The following CUL4A variants were observed in gnomAD, a reference collection of about 807,000 sequenced individuals.
CUL4A encodes the protein cullin 4A, also known as cullin-4A.
Under a neutral mutation model 95.5 loss-of-function variants are expected in CUL4A, and 16 were observed. That is an observed-to-expected ratio of 0.17 (90% CI 0.11 to 0.25). The LOEUF (loss-of-function observed/expected upper bound fraction) is 0.25, where lower values mean the gene tolerates loss of function less well. CUL4A is among the 10% of genes least tolerant of loss of function. CUL4A has a pLI of 1.00. For missense variants in CUL4A, 610 were observed against 937.0 expected (o/e 0.65, Z 4.56); for synonymous variants, 380 against 353.1 (o/e 1.08, Z -0.85).
intron 1 of CUL4A, 78 bp downstream of exon 1, chr13:113,209,853 G>A (rs1349614899): frequency 2.6e-6 from 3 of 1,154,900 alleles, no homozygotes; most frequent in Non-Finnish European, 3.2e-6. Flanking sequence ...TGGGGGGAAG[G>A]CCCCGAGATC....
At chr13:113,212,593 G>A (rs1396176244) in intron 2 of CUL4A, among the ~76,000 whole-genome samples, 1 of 152,126 alleles carries the variant, frequency 6.6e-6, no homozygotes, top group Non-Finnish European at 1.5e-5. Context: ...AGACCAGCCT[G>A]GCCAACATGG....
At chr13:113,216,190 G>A (rs1389892333) in intron 2 of CUL4A, among the ~76,000 whole-genome samples, 1 of 152,146 alleles carries the variant, frequency 6.6e-6, no homozygotes, top group African/African-American at 2.4e-5. Context: ...CCATGTGGCT[G>A]TGGAGGTCTC....
intron 19 of CUL4A, 110 bp from the exon 20 acceptor site, chr13:113,263,377 T>C: frequency 2.4e-6 from 1 of 417,254 alleles, no homozygotes. Flanking sequence ...TCTATTTGTA[T>C]ATATATTTCT....
chr13:113,258,287 G>A (rs569277758), intron 18 of CUL4A, among the ~76,000 whole-genome samples: 21 of 152,182 alleles, frequency 1.4e-4, no homozygotes, highest in Admixed American at 2.6e-4. Flanking sequence ...CACCGTGCCC[G>A]GCACCAGGTT....
chr13:113,209,949 GC>G (rs1211787162), intron 1 of CUL4A, 23 bp from the exon 2 acceptor site: 2 of 1,475,078 alleles, frequency 1.4e-6, no homozygotes, highest in South Asian at 1.3e-5. Flanking sequence ...GCCCTGAGCC[GC>G]CCGCTCTCCC....
At chr13:113,245,472 C>T (rs969172990) in intron 14 of CUL4A, among the ~76,000 whole-genome samples, 1 of 152,160 alleles carries the variant, frequency 6.6e-6, no homozygotes, top group African/African-American at 2.4e-5. Flanking sequence ...ATCACTTGAG[C>T]CCAGGAGTTT....
At chr13:113,258,724 A>G (rs2042195729) in intron 18 of CUL4A, among the ~76,000 whole-genome samples, 1 of 152,204 alleles carries the variant, frequency 6.6e-6, no homozygotes. Context: ...CTAACTTGTA[A>G]GAGTGGAGGA....
chr13:113,223,783 A>G (rs2040992962), intron 3 of CUL4A, among the ~76,000 whole-genome samples: 1 of 152,232 alleles, frequency 6.6e-6, no homozygotes, highest in Non-Finnish European at 1.5e-5. Flanking sequence ...GTGCAGGTAG[A>G]AAAAGGGCTT....
chr13:113,249,071 C>T (rs1450518390), intron 15 of CUL4A, among the ~76,000 whole-genome samples: 4 of 152,082 alleles, frequency 2.6e-5, no homozygotes, highest in African/African-American at 4.8e-5. Flanking sequence ...TGCTCTGCTC[C>T]GGACCCCGGC....
At chr13:113,263,173 C>G (rs1385486031) in intron 19 of CUL4A, among the ~76,000 whole-genome samples, 3 of 152,140 alleles carry the variant, frequency 2.0e-5, no homozygotes, top group Admixed American at 6.6e-5. Context: ...CTCGCTTATA[C>G]GTGCCCTTAC....
intron 19 of CUL4A, among the ~76,000 whole-genome samples, chr13:113,262,379 C>T (rs946839809): frequency 6.6e-6 from 1 of 152,182 alleles, no homozygotes; most frequent in Non-Finnish European, 1.5e-5. Flanking sequence ...AGGCCAGGCG[C>T]ACTGCCTCAC....
rs758120573 is a variant in CUL4A, at chr13:113,233,264, C to T, written c.600C>T (p.Ile200=). Reference sequence around the variant, plus strand: ...CCATTGATGGAATCCTACTGCTGATCGAGCGCGAGAGGAGCGGCGAGGCCG... The same window carrying T: ...CCATTGATGGAATCCTACTGCTGATTGAGCGCGAGAGGAGCGGCGAGGCCG... ...SKTIDGILLL[I]ERERSGEAVD... The change falls in exon 6 of 20, where the codon ATC becomes ATT. Residue 200 remains isoleucine, a synonymous_variant. Coordinates refer to ENST00000375440, the MANE Select transcript of CUL4A (RefSeq NM_001008895.4). The T allele has an allele frequency of 3.7e-6, 6 of 1,614,028 alleles. No individual in the cohort carries two copies. In the African/African-American group the frequency reaches 4.0e-5, roughly 11 times the overall value.
chr13:113,261,292 T>C (rs1047730336), intron 19 of CUL4A, among the ~76,000 whole-genome samples: 9 of 152,152 alleles, frequency 5.9e-5, no homozygotes, highest in Non-Finnish European at 1.0e-4. Context: ...GTTTTTTACA[T>C]GTATTTATCA....
chr13:113,221,767 G>A (rs926951297), intron 3 of CUL4A, among the ~76,000 whole-genome samples: 7 of 152,024 alleles, frequency 4.6e-5, no homozygotes, highest in Non-Finnish European at 7.4e-5. Flanking sequence ...TAGTAGAGAC[G>A]GGGTTTCACC....
chr13:113,218,697 G>T (rs1042558178), intron 2 of CUL4A, among the ~76,000 whole-genome samples: 1 of 152,176 alleles, frequency 6.6e-6, no homozygotes, highest in Non-Finnish European at 1.5e-5. Flanking sequence ...AGGTCCAGCA[G>T]GTGCAATGTG....
At chr13:113,256,462 G>A (rs1300893175) in intron 18 of CUL4A, among the ~76,000 whole-genome samples, 1 of 152,124 alleles carries the variant, frequency 6.6e-6, no homozygotes, top group East Asian at 1.9e-4. Flanking sequence ...ATGTGTACTT[G>A]TCTTAGTTTG....
intron 18 of CUL4A, among the ~76,000 whole-genome samples, chr13:113,256,561 C>A (rs2042124650): frequency 6.6e-6 from 1 of 152,188 alleles, no homozygotes; most frequent in Admixed American, 6.5e-5. Context: ...CTGTTCTGAG[C>A]AGCCCAAAGA....
In CUL4A at chr13:113,254,605, A is replaced by G. The variant is rs568558082; in HGVS notation, c.1753-88A>G. On this transcript the variant is annotated intron_variant, in intron 16 of 19. Transcript: ENST00000375440. ...GCGAGACTCCTTCTCAAAAAAAAAA[A>G]AGTTTGAGAGCAAAAAGAAGCTTCT... 807 of 929,490 alleles carry G rather than the reference A, an allele frequency of 8.7e-4. 1 individual carries two copies. Among genetic ancestry groups the G allele is most frequent in the Non-Finnish European group, 1.0e-3 (608 of 610,436 alleles). 57.6% of individuals were successfully genotyped at this position (929,490 alleles called of 1,614,324 possible).
At chr13:113,212,280 A>G (rs2040478881) in intron 2 of CUL4A, among the ~76,000 whole-genome samples, 2 of 152,042 alleles carry the variant, frequency 1.3e-5, no homozygotes, top group African/African-American at 2.4e-5. Flanking sequence ...TAACTGTGCC[A>G]TTTGAAGAGT....
Sources: gnomAD v4.1 joint callset for allele counts (sites outside exome capture counted in the v4.1 genomes callset) on GRCh38, gnomAD v4.1.1 for gene constraint, MANE v1.5 for transcripts, NCBI Gene and HGNC (gene_info 2026-07-23, HGNC 2026-07-21) for gene names.